Variants in CTPS2 observed in about 807,000 individuals in gnomAD.
CTPS2 encodes CTP synthase 2.
CTPS2 carries 19 observed loss-of-function variants against 46.8 expected under a neutral mutation model. The observed-to-expected ratio is 0.41, with a 90% CI of 0.28 to 0.60. CTPS2 has a LOEUF of 0.60. Among genes scored for constraint, CTPS2 ranks in the 20% least tolerant of loss-of-function variants. The pLI is 0.35. For synonymous variants in CTPS2, 151 were observed against 165.2 expected, an observed-to-expected ratio of 0.91 and a Z score of 0.66; for missense variants, 286 against 447.6, an observed-to-expected ratio of 0.64 and a Z score of 3.26.
intron 8 of CTPS2, among the ~76,000 whole-genome samples, chrX:16,684,509 C>CAAA (rs1334791360): frequency 1.4e-4 from 10 of 70,068 alleles, no homozygotes; most frequent in African/African-American, 4.6e-4. Flanking sequence ...ACTCTGTCTC[C>CAAA]AAAAAAAAAA....
intron 8 of CTPS2, among the ~76,000 whole-genome samples, chrX:16,688,353 T>C (rs1366292371): frequency 1.3e-4 from 14 of 108,658 alleles, no homozygotes; most frequent in African/African-American, 4.7e-4. Flanking sequence ...TGAGCCAAGA[T>C]CGCACCACTG....
intron 13 of CTPS2, among the ~76,000 whole-genome samples, chrX:16,658,137 C>T (rs976822530): frequency 2.0e-4 from 22 of 108,312 alleles, no homozygotes; most frequent in Admixed American, 1.5e-3. Context: ...GCCCGGGAGG[C>T]GGAGGTTGCA....
At chrX:16,655,567 T>C (rs962718399) in intron 13 of CTPS2, among the ~76,000 whole-genome samples, 10 of 111,233 alleles carry the variant, frequency 9.0e-5, no homozygotes, top group African/African-American at 3.3e-4. Flanking sequence ...CTGCTACCCC[T>C]TACCAGATAA....
intron 1 of CTPS2, among the ~76,000 whole-genome samples, chrX:16,706,974 C>T (rs1309534568): frequency 9.5e-6 from 1 of 105,610 alleles, no homozygotes; most frequent in Admixed American, 1.0e-4. Flanking sequence ...ACCTGGGAGG[C>T]GGAGGTTGCA....
At chrX:16,657,292 G>A (rs937617042) in intron 13 of CTPS2, among the ~76,000 whole-genome samples, 9 of 104,597 alleles carry the variant, frequency 8.6e-5, no homozygotes, top group African/African-American at 1.4e-4. Flanking sequence ...ATGACTCTCC[G>A]AGGTGGGCAA....
intron 1 of CTPS2, 25 bp from the exon 2 acceptor site, chrX:16,702,966 A>T: frequency 2.1e-6 from 2 of 967,830 alleles, no homozygotes; most frequent in Non-Finnish European, 2.9e-6. Context: ...AATTATGGAT[A>T]AGGAAAGAGA....
At chrX:16,708,517 G>A (rs1425191161) in intron 1 of CTPS2, among the ~76,000 whole-genome samples, 2 of 110,452 alleles carry the variant, frequency 1.8e-5, no homozygotes, top group Admixed American at 9.8e-5. Flanking sequence ...GTGAGACTCC[G>A]TCTGAAATAA....
chrX:16,706,127 G>T (rs1322515081), intron 1 of CTPS2, among the ~76,000 whole-genome samples: 2 of 108,405 alleles, frequency 1.8e-5, no homozygotes, highest in African/African-American at 6.7e-5. Flanking sequence ...AGAAAGAAAA[G>T]AAAAGAAATA....
chrX:16,647,853 G>A (rs986806805), intron 13 of CTPS2, among the ~76,000 whole-genome samples: 4 of 111,068 alleles, frequency 3.6e-5, no homozygotes, highest in African/African-American at 6.6e-5. Context: ...AGACTGAGGC[G>A]GGCAGATCAT....
chrX:16,592,534 C>T (rs745439169), intron 17 of CTPS2, among the ~76,000 whole-genome samples: 21 of 111,670 alleles, frequency 1.9e-4, no homozygotes, highest in Non-Finnish European at 1.1e-4. Context: ...AATCACAGCA[C>T]CTCCTCATTA....
intron 18 of CTPS2, among the ~76,000 whole-genome samples, chrX:16,590,035 A>T (rs1041886361): frequency 1.8e-5 from 2 of 111,898 alleles, no homozygotes; most frequent in South Asian, 7.5e-4. Context: ...GGCCTGCCAT[A>T]ATGCCTAGGG....
chrX:16,613,571 T>C (rs373438239), intron 16 of CTPS2, among the ~76,000 whole-genome samples: 1 of 109,839 alleles, frequency 9.1e-6, no homozygotes. Context: ...GGAGAATGGT[T>C]CTCCACCAAA....
intron 14 of CTPS2, among the ~76,000 whole-genome samples, chrX:16,630,251 A>ATTT (rs148128965): frequency 9.1e-5 from 7 of 77,233 alleles, no homozygotes; most frequent in African/African-American, 3.5e-4. Flanking sequence ...GTTGTGTTGT[A>ATTT]TTTTTTTTTT....
chrX:16,647,834 C>A (rs988493866), intron 13 of CTPS2, among the ~76,000 whole-genome samples: 1 of 111,349 alleles, frequency 9.0e-6, no homozygotes, highest in African/African-American at 3.3e-5. Flanking sequence ...GTAATCCCAG[C>A]AGTTTGGGAG....
intron 14 of CTPS2, among the ~76,000 whole-genome samples, chrX:16,634,169 C>A: frequency 9.0e-6 from 1 of 111,398 alleles, no homozygotes; most frequent in South Asian, 3.8e-4. Context: ...TGGAAAAGAC[C>A]ATGGATATGC....
At chrX:16,644,403 T>G (rs113405135) in intron 13 of CTPS2, among the ~76,000 whole-genome samples, 1,494 of 111,507 alleles carry the variant, frequency 0.013, 23 homozygotes, top group African/African-American at 0.046. Context: ...CTCCCAAAGT[T>G]CTGGGATTAC....
intron 14 of CTPS2, among the ~76,000 whole-genome samples, chrX:16,623,021 G>T (rs1930924441): frequency 8.9e-6 from 1 of 112,231 alleles, no homozygotes; most frequent in East Asian, 2.8e-4. Context: ...GTTATCTCCA[G>T]ACAATAAAAT....
chrX:16,663,019 A>T (rs1933010496), intron 13 of CTPS2, among the ~76,000 whole-genome samples: 1 of 112,115 alleles, frequency 8.9e-6, no homozygotes, highest in African/African-American at 3.2e-5. Flanking sequence ...GACTGGTTAA[A>T]TAAATAAGGA....
chrX:16,655,874 C>T (rs957343973), intron 13 of CTPS2, among the ~76,000 whole-genome samples: 1 of 110,421 alleles, frequency 9.1e-6, no homozygotes, highest in Admixed American at 9.6e-5. Flanking sequence ...TGGCTCACTG[C>T]AACCTCCGCT....
Sources: allele counts gnomAD v4.1 joint callset (sites outside exome capture counted in the v4.1 genomes callset), GRCh38; gene constraint gnomAD v4.1.1; transcripts MANE v1.5; gene names NCBI Gene and HGNC (gene_info 2026-07-23, HGNC 2026-07-21).